PLCXD3: variants seen among roughly 807,000 people sequenced by gnomAD.
PLCXD3 encodes the protein phosphatidylinositol specific phospholipase C X domain containing 3.
PLCXD3 carries 19 observed loss-of-function variants against 25.5 expected under a neutral mutation model. That is an observed-to-expected ratio of 0.75 (90% confidence interval 0.52 to 1.09). PLCXD3 has a LOEUF of 1.09. Ranked by LOEUF, PLCXD3 falls within the 50% of genes least tolerant of loss-of-function variation. The probability of loss-of-function intolerance (pLI) is 0.00; values close to 1 mark genes in which losing one functional copy is unlikely to be tolerated. For missense variants in PLCXD3, 411 were observed against 388.1 expected (o/e 1.06, Z -0.50); for synonymous variants, 174 against 137.6 (o/e 1.26, Z -1.85).
chr5:41,382,296 A>T lies in PLCXD3; in HGVS notation c.342T>A (p.His114Gln). The T allele has an allele frequency of 6.2e-7, 1 of 1,613,646 alleles. No individual in the cohort carries two copies. Among genetic ancestry groups the T allele is most frequent in the East Asian group, 2.2e-5 (1 of 44,828 alleles). The change falls in exon 2 of 3, where the codon CAT (histidine) becomes CAA (glutamine). Residue 114 changes from histidine to glutamine, a missense_variant. By Grantham distance (24) the His-to-Gln change is conservative (BLOSUM62 0). Coordinates refer to ENST00000377801, the MANE Select transcript of PLCXD3 (RefSeq NM_001005473.3). ...RDPDNELYFA[H>Q]GLFSAKVNEG... ...CATTGACTTTGGCACTGAACAAACC[A>T]TGAGCAAAATAGAGTTCATTGTCGG...
intron 2 of PLCXD3, among the ~76,000 whole-genome samples, chr5:41,329,545 A>G (rs1413908314): frequency 1.3e-5 from 2 of 152,222 alleles, no homozygotes; most frequent in Non-Finnish European, 2.9e-5. Flanking sequence ...CTACTGCCAC[A>G]GATTTTAGTT....
chr5:41,440,249 T>TTTTTG lies in PLCXD3; in HGVS notation c.104-57716_104-57715insCAAAA, dbSNP rs751131624. Among the ~76,000 whole-genome samples, 24 of 100,390 alleles carry TTTTTG rather than the reference T, an allele frequency of 2.4e-4. 1 individual carries two copies. Among genetic ancestry groups the TTTTTG allele is most frequent in the African/African-American group, 7.7e-4 (20 of 25,864 alleles). The allele number at this position is 100,390 out of a possible 152,430, so 65.9% of individuals were successfully genotyped here. A position where few individuals can be genotyped will look rare whatever the true frequency, so the allele number is the denominator to read the frequency against. ...TTTTTTTTTTTTTTTTTTTTTTTTT[T>TTTTTG]TTAGTCAGAGTCTCACTGTGTCACC... On this transcript the variant is annotated intron_variant, in intron 1 of 2. Transcript: ENST00000377801.
At chr5:41,499,141 C>G (rs967397357) in intron 1 of PLCXD3, among the ~76,000 whole-genome samples, 2 of 150,908 alleles carry the variant, frequency 1.3e-5, no homozygotes, top group Admixed American at 6.6e-5. Context: ...ACTATACACC[C>G]TAGTGAGAGC....
Position 41,374,212 on chromosome 5 carries a change from T to C in PLCXD3, c.812+7614A>G, listed in dbSNP as rs371799247. ...AGTGCTACTTGAAGTGGGGCTCACTTGAGTCTGTTAAGAATGAAACACTTT... is the reference window on the plus strand; with the variant it reads ...AGTGCTACTTGAAGTGGGGCTCACTCGAGTCTGTTAAGAATGAAACACTTT... On this transcript the variant is annotated intron_variant, in intron 2 of 2. Transcript: ENST00000377801. 2.0e-4 allele frequency among the ~76,000 whole-genome samples: 30 copies of C among 152,224 alleles called. No homozygotes were observed. In the South Asian group the frequency reaches 6.0e-3, roughly 30 times the overall value.
intron 1 of PLCXD3, among the ~76,000 whole-genome samples, chr5:41,455,605 T>C: frequency 6.6e-6 from 1 of 151,778 alleles, no homozygotes; most frequent in Non-Finnish European, 1.5e-5. Flanking sequence ...ATGGGAAGTA[T>C]AAAGTTAGGT....
At chr5:41,503,943 C>A (rs1749005018) in intron 1 of PLCXD3, among the ~76,000 whole-genome samples, 1 of 151,902 alleles carries the variant, frequency 6.6e-6, no homozygotes, top group Admixed American at 6.6e-5. Context: ...ACAGCTTTCC[C>A]CTTTAAGCAA....
At chr5:41,475,335 G>A (rs1197166552) in intron 1 of PLCXD3, among the ~76,000 whole-genome samples, 2 of 151,966 alleles carry the variant, frequency 1.3e-5, no homozygotes, top group African/African-American at 2.4e-5. Context: ...AACCTTCCTC[G>A]TTCAAGTCCC....
chr5:41,327,266 T>C (rs1394408095), intron 2 of PLCXD3, among the ~76,000 whole-genome samples: 1 of 152,162 alleles, frequency 6.6e-6, no homozygotes, highest in Non-Finnish European at 1.5e-5. Flanking sequence ...GGGAATTGAC[T>C]GCAGTTGAGA....
At chr5:41,481,102 TAAAAAAA>T (rs554092157) in intron 1 of PLCXD3, among the ~76,000 whole-genome samples, 6 of 72,904 alleles carry the variant, frequency 8.2e-5, no homozygotes, top group South Asian at 6.2e-4. Flanking sequence ...ACCTAATTTG[TAAAAAAA>T]AAAAAAAAAA....
At chr5:41,401,063 T>A (rs1270483543) in intron 1 of PLCXD3, among the ~76,000 whole-genome samples, 1 of 152,000 alleles carries the variant, frequency 6.6e-6, no homozygotes, top group African/African-American at 2.4e-5. Flanking sequence ...GAAGTGTTCA[T>A]TCCAGTCTTT....
At chr5:41,374,516 G>A (rs1026522999) in intron 2 of PLCXD3, among the ~76,000 whole-genome samples, 2 of 152,094 alleles carry the variant, frequency 1.3e-5, no homozygotes, top group African/African-American at 2.4e-5. Context: ...ACACTTGTAC[G>A]AATGAAGCCA....
chr5:41,366,633 C>T (rs2150487081), intron 2 of PLCXD3, among the ~76,000 whole-genome samples: 1 of 152,280 alleles, frequency 6.6e-6, no homozygotes, highest in South Asian at 2.1e-4. Flanking sequence ...CCCAAGCACA[C>T]ATCAACATAT....
intron 1 of PLCXD3, among the ~76,000 whole-genome samples, chr5:41,431,517 C>T (rs368576277): frequency 5.3e-5 from 8 of 152,058 alleles, no homozygotes; most frequent in Non-Finnish European, 7.4e-5. Flanking sequence ...GATCACTTCA[C>T]GGACAGGTTC....
chr5:41,382,662 A>C (rs1745507437), intron 1 of PLCXD3, 128 bp from the exon 2 acceptor site: 1 of 722,516 alleles, frequency 1.4e-6, no homozygotes, highest in Non-Finnish European at 2.2e-6. Context: ...ATGTAATACT[A>C]GTTATTTTTT....
At chr5:41,492,048 GGCATGATTTT>G (rs1456934238) in intron 1 of PLCXD3, among the ~76,000 whole-genome samples, 1 of 152,204 alleles carries the variant, frequency 6.6e-6, no homozygotes, top group Non-Finnish European at 1.5e-5. Context: ...TTTACAATTT[GGCATGATTTT>G]GCAGTGGCTG....
chr5:41,350,674 C>A (rs1055654137), intron 2 of PLCXD3, among the ~76,000 whole-genome samples: 6 of 152,098 alleles, frequency 3.9e-5, no homozygotes, highest in Non-Finnish European at 8.8e-5. Flanking sequence ...AAGACAAGGT[C>A]AAGAAAAATT....
intron 2 of PLCXD3, among the ~76,000 whole-genome samples, chr5:41,345,018 T>C (rs2150478978): frequency 6.6e-6 from 1 of 152,256 alleles, no homozygotes; most frequent in South Asian, 2.1e-4. Context: ...TACAAACTGG[T>C]TCTATAAACA....
intron 2 of PLCXD3, among the ~76,000 whole-genome samples, chr5:41,348,680 A>T (rs1308278081): frequency 6.6e-6 from 1 of 152,110 alleles, no homozygotes; most frequent in Non-Finnish European, 1.5e-5. Flanking sequence ...TTAGATTGCA[A>T]GACCATCGGG....
intron 1 of PLCXD3, among the ~76,000 whole-genome samples, chr5:41,405,316 T>C (rs1746318696): frequency 6.6e-6 from 1 of 152,124 alleles, no homozygotes; most frequent in Non-Finnish European, 1.5e-5. Context: ...TCTTGCCATA[T>C]GAAAGTTTTT....
Sources: gnomAD v4.1 joint callset for allele counts (sites outside exome capture counted in the v4.1 genomes callset) on GRCh38, gnomAD v4.1.1 for gene constraint, MANE v1.5 for transcripts, NCBI Gene and HGNC (gene_info 2026-07-23, HGNC 2026-07-21) for gene names.